The following PPP2R2B variants were observed in gnomAD, a reference collection of about 807,000 sequenced individuals.
PPP2R2B encodes the protein protein phosphatase 2 regulatory subunit Bbeta, also known as serine/threonine-protein phosphatase 2A 55 kDa regulatory subunit B beta isoform.
Under a neutral mutation model 46.0 loss-of-function variants are expected in PPP2R2B, and 5 were observed. The ratio of observed to expected loss-of-function variants is 0.11; its 90% confidence interval spans 0.06 to 0.23. PPP2R2B has a LOEUF of 0.23. Among genes scored for constraint, PPP2R2B ranks in the 10% least tolerant of loss-of-function variants. PPP2R2B has a pLI of 1.00. For synonymous variants in PPP2R2B, 215 were observed against 206.7 expected (o/e 1.04, Z -0.34); for missense variants, 367 against 575.0 (o/e 0.64, Z 3.70).
chr5:146,840,182 T>C (rs1231553861), intron 2 of PPP2R2B, among the ~76,000 whole-genome samples: 1 of 152,244 alleles, frequency 6.6e-6, no homozygotes, highest in Non-Finnish European at 1.5e-5. Context: ...CAGCTTTGGG[T>C]TCAAATGCAG....
At chr5:146,930,790 C>A (rs192544031) in intron 1 of PPP2R2B, among the ~76,000 whole-genome samples, 1 of 152,088 alleles carries the variant, frequency 6.6e-6, no homozygotes, top group African/African-American at 2.4e-5. Context: ...TTCTCTTTGT[C>A]GATATTAGAA....
chr5:146,745,208 A>T (rs56893200), intron 2 of PPP2R2B, among the ~76,000 whole-genome samples: 1 of 26,832 alleles, frequency 3.7e-5, no homozygotes, highest in Non-Finnish European at 1.1e-4. Flanking sequence ...GAGAGAGAGA[A>T]AGAGACTATA....
At chr5:146,659,439 G>T (rs561355570) in intron 5 of PPP2R2B, among the ~76,000 whole-genome samples, 17 of 152,264 alleles carry the variant, frequency 1.1e-4, no homozygotes, top group African/African-American at 3.6e-4. Flanking sequence ...TCCTGGCTGT[G>T]CTAATTACCA....
chr5:146,757,520 A>G (rs1753906881), intron 2 of PPP2R2B, among the ~76,000 whole-genome samples: 1 of 152,118 alleles, frequency 6.6e-6, no homozygotes. Context: ...TGGAAGCCCC[A>G]TTTGAGGTGA....
intron 1 of PPP2R2B, among the ~76,000 whole-genome samples, chr5:146,885,300 C>T (rs778553425): frequency 3.3e-5 from 5 of 152,168 alleles, no homozygotes; most frequent in Non-Finnish European, 7.3e-5. Flanking sequence ...CTCTACAGCC[C>T]ATGCTCTTAA....
intron 3 of PPP2R2B, among the ~76,000 whole-genome samples, chr5:146,699,661 G>GTTT (rs11388336): frequency 0.03 from 3,563 of 117,982 alleles, 91 homozygotes; most frequent in African/African-American, 0.059. Context: ...AACTTAATTG[G>GTTT]TTTTTTTTTT....
chr5:146,873,818 T>C (rs1761746967), intron 2 of PPP2R2B, among the ~76,000 whole-genome samples: 1 of 152,174 alleles, frequency 6.6e-6, no homozygotes, highest in Non-Finnish European at 1.5e-5. Flanking sequence ...TGTCTATCCA[T>C]TTACCCATCC....
chr5:146,884,077 T>C (rs1582355408), intron 1 of PPP2R2B, among the ~76,000 whole-genome samples: 2 of 149,848 alleles, frequency 1.3e-5, no homozygotes, highest in Admixed American at 6.6e-5. Context: ...AAAAACACTA[T>C]GTAAATTCAG....
intron 1 of PPP2R2B, among the ~76,000 whole-genome samples, chr5:146,927,042 C>T (rs1444837669): frequency 1.3e-5 from 2 of 152,178 alleles, no homozygotes; most frequent in Non-Finnish European, 2.9e-5. Flanking sequence ...TCATGGCTTG[C>T]TGTACCTTGG....
In PPP2R2B at chr5:146,878,644, G is replaced by T. The variant is rs1247024085; in HGVS notation, c.-178C>A. 1.6e-6 allele frequency: 2 copies of T among 1,260,806 alleles called. No homozygotes were observed. Among genetic ancestry groups the T allele is most frequent in the South Asian group, 1.4e-5 (1 of 69,436 alleles). The allele number at this position is 1,260,806 out of a possible 1,614,324, so 78.1% of individuals were successfully genotyped here. A position where few individuals can be genotyped will look rare whatever the true frequency, so the allele number is the denominator to read the frequency against. On this transcript the variant is annotated 5_prime_UTR_variant, in exon 1 of 10. Transcript: ENST00000394411. This position sits in a 1 kb window ranked among gnomAD's most constrained non-coding sequence, Gnocchi z 4.5. ...GGGAGGGCGGCTCCGGCAGGCGGGG[G>T]TAGGGAAGCTGGCGGGGAGCTGGGC...
intron 2 of PPP2R2B, among the ~76,000 whole-genome samples, chr5:146,709,537 C>T (rs1002965266): frequency 1.1e-4 from 16 of 152,082 alleles, no homozygotes; most frequent in Non-Finnish European, 2.1e-4. Flanking sequence ...GAAGCAGGAG[C>T]GGGACAGAGA....
intron 2 of PPP2R2B, among the ~76,000 whole-genome samples, chr5:146,812,844 T>TATATATGTA (rs1271380416): frequency 9.3e-6 from 1 of 107,898 alleles, no homozygotes; most frequent in Non-Finnish European, 1.8e-5. Flanking sequence ...CACATTTCCA[T>TATATATGTA]TATAAAACCA....
chr5:146,687,255 C>A (rs1237135485), intron 5 of PPP2R2B, among the ~76,000 whole-genome samples: 1 of 152,072 alleles, frequency 6.6e-6, no homozygotes, highest in Non-Finnish European at 1.5e-5. Context: ...CTGGAATAAC[C>A]AGTTGAGGGA....
intron 1 of PPP2R2B, among the ~76,000 whole-genome samples, chr5:146,976,041 T>C (rs558881694): frequency 2.0e-3 from 306 of 151,532 alleles, no homozygotes; most frequent in Non-Finnish European, 2.8e-3. Context: ...CAAGAAATCA[T>C]TGCCAAATTC....
intron 1 of PPP2R2B, among the ~76,000 whole-genome samples, chr5:146,991,842 C>T (rs1753710114): frequency 6.6e-6 from 1 of 151,794 alleles, no homozygotes; most frequent in Admixed American, 6.6e-5. Flanking sequence ...ACACTGAAAA[C>T]TACAAAATAT....
At position 146,974,790 on chromosome 5, in the gene PPP2R2B, G is replaced by A. The variant is rs756014642; in HGVS notation, c.79+80875C>T. Among the ~76,000 whole-genome samples the A allele has an allele frequency of 4.0e-5, 6 of 150,408 alleles. No individual in the cohort carries two copies. In the East Asian group the frequency reaches 7.9e-4, roughly 20 times the overall value. Reference sequence around the variant, plus strand: ...CTGCAAGCTCCGCCTACGGGTTCACGCCATTCTCCTGCCTCAACTTCCTGA... The same window carrying A: ...CTGCAAGCTCCGCCTACGGGTTCACACCATTCTCCTGCCTCAACTTCCTGA... On this transcript the variant is annotated intron_variant, in intron 1 of 8. Transcript: ENST00000336640.
chr5:147,032,486 A>G (rs78971461), intron 1 of PPP2R2B, among the ~76,000 whole-genome samples: 2,174 of 152,156 alleles, frequency 0.014, 32 homozygotes, highest in Non-Finnish European at 0.024. Context: ...CACCATATTT[A>G]TAGTATTTTA....
intron 2 of PPP2R2B, among the ~76,000 whole-genome samples, chr5:146,824,530 A>G (rs1405519416): frequency 1.3e-5 from 2 of 152,136 alleles, no homozygotes; most frequent in East Asian, 3.9e-4. Flanking sequence ...TTGGCCATAC[A>G]TAGAATAGTT....
chr5:146,877,833 G>T (rs1370745199), intron 2 of PPP2R2B, among the ~76,000 whole-genome samples, 169 bp downstream of exon 2: 1 of 152,164 alleles, frequency 6.6e-6, no homozygotes, highest in African/African-American at 2.4e-5. Context: ...GCCTCGCGGA[G>T]CCCGGATGGA....
Sources: gnomAD v4.1 joint callset for allele counts (sites outside exome capture counted in the v4.1 genomes callset) on GRCh38, gnomAD v4.1.1 for gene constraint, Gnocchi (gnomAD v3.1) non-coding constraint, MANE v1.5 for transcripts, NCBI Gene and HGNC (gene_info 2026-07-23, HGNC 2026-07-21) for gene names.